The following SGCZ variants were observed in gnomAD, a reference collection of about 807,000 sequenced individuals.
The protein encoded by SGCZ is zeta-sarcoglycan.
Under a neutral mutation model 41.3 loss-of-function variants are expected in SGCZ, and 40 were observed. That is an observed-to-expected ratio of 0.97 (90% CI 0.75 to 1.26). SGCZ has a LOEUF of 1.26. Among genes scored for constraint, SGCZ ranks in the 50% most tolerant of loss-of-function variants. The probability of loss-of-function intolerance (pLI) is 0.00; values close to 1 mark genes in which losing one functional copy is unlikely to be tolerated. For missense variants in SGCZ, 552 were observed against 369.8 expected, an observed-to-expected ratio of 1.49 and a Z score of -4.04; for synonymous variants, 206 against 137.5, an observed-to-expected ratio of 1.50 and a Z score of -3.49.
At chr8:14,650,699 ATAT>A (rs1807369005) in intron 1 of SGCZ, among the ~76,000 whole-genome samples, 1 of 152,074 alleles carries the variant, frequency 6.6e-6, no homozygotes, top group Admixed American at 6.6e-5. Context: ...TCAGCCTGAA[ATAT>A]TGCCAGGTGA....
At chr8:14,583,752 C>T (rs1409982967) in intron 1 of SGCZ, among the ~76,000 whole-genome samples, 2 of 151,902 alleles carry the variant, frequency 1.3e-5, no homozygotes, top group Non-Finnish European at 2.9e-5. Flanking sequence ...GTAAAAATGT[C>T]TATTATTTAT....
intron 1 of SGCZ, among the ~76,000 whole-genome samples, chr8:14,943,551 C>A (rs958348940): frequency 1.3e-5 from 2 of 152,120 alleles, no homozygotes; most frequent in African/African-American, 4.8e-5. Context: ...ACAGAAAAAG[C>A]AATGCATTGC....
chr8:14,925,998 G>C (rs982828856), intron 1 of SGCZ, among the ~76,000 whole-genome samples: 8 of 152,150 alleles, frequency 5.3e-5, no homozygotes, highest in African/African-American at 1.7e-4. Context: ...GATAGCTGAA[G>C]TACACATTAT....
rs999933141 is a variant in SGCZ at position 14,692,281 on chromosome 8, T to C, written c.40-137355A>G. ...AAACCAACCATAGGATATTGTCAAATGAGCCAAGAGAGAAGCATAATTATA... is the reference window on the plus strand; with the variant it reads ...AAACCAACCATAGGATATTGTCAAACGAGCCAAGAGAGAAGCATAATTATA... On this transcript the variant is annotated intron_variant, in intron 1 of 7. Transcript: ENST00000382080. 2.6e-5 allele frequency among the ~76,000 whole-genome samples: 4 copies of C among 152,062 alleles called. No homozygotes were observed. The East Asian group carries it at 7.7e-4, about 29-fold the overall frequency.
At chr8:14,784,913 A>AAAAAAAAAAAAAAAAAAAAAAT (rs1408574493) in intron 1 of SGCZ, among the ~76,000 whole-genome samples, 1 of 88,020 alleles carries the variant, frequency 1.1e-5, no homozygotes, top group African/African-American at 4.7e-5. Flanking sequence ...AAAAAAAAAA[A>AAAAAAAAAAAAAAAAAAAAAAT]ATATATATAT....
At chr8:14,724,460 T>A (rs1809989122) in intron 1 of SGCZ, among the ~76,000 whole-genome samples, 1 of 151,882 alleles carries the variant, frequency 6.6e-6, no homozygotes, top group South Asian at 2.1e-4. Context: ...TATTATTATA[T>A]TAACTTCAAA....
chr8:14,511,512 G>C (rs1371495715), intron 2 of SGCZ, among the ~76,000 whole-genome samples: 1 of 151,986 alleles, frequency 6.6e-6, no homozygotes, highest in Non-Finnish European at 1.5e-5. Context: ...GCTTAAGAAG[G>C]TTGGCCAGTG....
At chr8:14,611,638 G>A in intron 1 of SGCZ, among the ~76,000 whole-genome samples, 1 of 152,184 alleles carries the variant, frequency 6.6e-6, no homozygotes, top group Non-Finnish European at 1.5e-5. Flanking sequence ...TTATTTTCTT[G>A]ACAGAAGCCA....
intron 2 of SGCZ, among the ~76,000 whole-genome samples, chr8:14,422,493 A>G (rs2117309764): frequency 6.6e-6 from 1 of 152,332 alleles, no homozygotes; most frequent in Middle Eastern, 3.4e-3. Context: ...TCAGGTTCAA[A>G]TGTGCCACAG....
intron 2 of SGCZ, among the ~76,000 whole-genome samples, chr8:14,352,715 T>A (rs2117108365): frequency 6.6e-6 from 1 of 152,206 alleles, no homozygotes; most frequent in Non-Finnish European, 1.5e-5. Flanking sequence ...GGGCAAATTC[T>A]GAAAAATATA....
At chr8:14,860,726 G>GAAAC (rs1803714951) in intron 1 of SGCZ, among the ~76,000 whole-genome samples, 1 of 135,876 alleles carries the variant, frequency 7.4e-6, no homozygotes, top group African/African-American at 2.7e-5. Context: ...AAGAAAGAAA[G>GAAAC]AAAGAAAGAA....
intron 1 of SGCZ, among the ~76,000 whole-genome samples, chr8:14,721,768 T>G (rs1242795567): frequency 6.6e-6 from 1 of 152,202 alleles, no homozygotes; most frequent in African/African-American, 2.4e-5. Context: ...TACATTTTAC[T>G]AAAAGTAAGA....
At chr8:14,708,635 T>C (rs1809407789) in intron 1 of SGCZ, among the ~76,000 whole-genome samples, 1 of 152,074 alleles carries the variant, frequency 6.6e-6, no homozygotes, top group Non-Finnish European at 1.5e-5. Context: ...AACAATCAGT[T>C]TGAAAAAAAT....
chr8:14,716,622 A>G (rs1235565903), intron 1 of SGCZ, among the ~76,000 whole-genome samples: 2 of 152,256 alleles, frequency 1.3e-5, no homozygotes, highest in East Asian at 3.9e-4. Context: ...TCTGTAATAG[A>G]AAAATTAAAA....
At chr8:15,131,775 AC>A (rs1304511591) in intron 1 of SGCZ, among the ~76,000 whole-genome samples, 2 of 149,246 alleles carry the variant, frequency 1.3e-5, no homozygotes, top group African/African-American at 2.5e-5. Flanking sequence ...TCCCATGAAA[AC>A]TAGCCATGAG....
At chr8:14,758,789 A>G (rs571278758) in intron 1 of SGCZ, among the ~76,000 whole-genome samples, 16 of 152,262 alleles carry the variant, frequency 1.1e-4, no homozygotes, top group African/African-American at 3.6e-4. Context: ...CGGGTGGATC[A>G]CCTGAGGTCA....
intron 1 of SGCZ, among the ~76,000 whole-genome samples, chr8:14,835,322 C>T (rs548364589): frequency 6.6e-6 from 1 of 152,166 alleles, no homozygotes; most frequent in African/African-American, 2.4e-5. Flanking sequence ...TAATATTTTT[C>T]TGTAGTTATA....
intron 1 of SGCZ, among the ~76,000 whole-genome samples, chr8:14,754,050 T>C (rs1006711333): frequency 6.6e-6 from 1 of 152,210 alleles, no homozygotes; most frequent in Non-Finnish European, 1.5e-5. Context: ...CTTTGTTTGT[T>C]TTTAATAAGC....
chr8:14,413,845 C>T (rs184136479), intron 2 of SGCZ, among the ~76,000 whole-genome samples: 2 of 151,992 alleles, frequency 1.3e-5, no homozygotes, highest in East Asian at 3.9e-4. Flanking sequence ...CCTAGGAGAA[C>T]AGAATCTTTC....
Sources: gnomAD v4.1 joint callset for allele counts (sites outside exome capture counted in the v4.1 genomes callset) on GRCh38, gnomAD v4.1.1 for gene constraint, MANE v1.5 for transcripts, NCBI Gene and HGNC (gene_info 2026-07-23, HGNC 2026-07-21) for gene names.